Variants in PLPPR1 observed in about 807,000 individuals in gnomAD.
The protein encoded by PLPPR1 is phospholipid phosphatase related 1.
Under a neutral mutation model 33.1 loss-of-function variants are expected in PLPPR1, and 10 were observed. That is an observed-to-expected ratio of 0.30 (90% CI 0.19 to 0.51). PLPPR1 has a LOEUF of 0.51. PLPPR1 is among the 20% of genes least tolerant of loss of function. The pLI is 0.97. For synonymous variants in PLPPR1, 151 were observed against 151.0 expected, an observed-to-expected ratio of 1.00 and a Z score of 0.00; for missense variants, 304 against 408.1, an observed-to-expected ratio of 0.74 and a Z score of 2.20.
intron 1 of PLPPR1, among the ~76,000 whole-genome samples, chr9:101,085,313 A>G (rs1467223847): frequency 6.6e-6 from 1 of 152,202 alleles, no homozygotes; most frequent in Non-Finnish European, 1.5e-5. Context: ...ATACTCTAGA[A>G]TATCTTTCCA....
intron 1 of PLPPR1, among the ~76,000 whole-genome samples, chr9:101,157,878 C>T (rs1831717177): frequency 6.6e-6 from 1 of 152,050 alleles, no homozygotes; most frequent in African/African-American, 2.4e-5. Context: ...GTTGTATATG[C>T]CTGTAGTCCC....
intron 2 of PLPPR1, among the ~76,000 whole-genome samples, chr9:101,203,667 G>GTA (rs977871534): frequency 8.7e-6 from 1 of 115,122 alleles, no homozygotes; most frequent in Non-Finnish European, 2.0e-5. Context: ...TGTGTGATGT[G>GTA]TATATATATG....
chr9:101,178,793 T>C (rs1371792980), intron 1 of PLPPR1, among the ~76,000 whole-genome samples: 1 of 152,040 alleles, frequency 6.6e-6, no homozygotes, highest in African/African-American at 2.4e-5. Context: ...GTTTCTCCCA[T>C]AGCCAGGATT....
chr9:101,059,065 G>C (rs1381222989), intron 1 of PLPPR1, among the ~76,000 whole-genome samples: 1 of 152,054 alleles, frequency 6.6e-6, no homozygotes, highest in Non-Finnish European at 1.5e-5. Flanking sequence ...TAACTTTTTG[G>C]TCTGTTTTTT....
intron 1 of PLPPR1, among the ~76,000 whole-genome samples, chr9:101,153,599 G>C (rs573821383): frequency 6.6e-6 from 1 of 152,104 alleles, no homozygotes; most frequent in Non-Finnish European, 1.5e-5. Flanking sequence ...TATTGAGACA[G>C]AGTCTCGCTC....
chr9:101,290,660 G>T (rs1315659340), intron 4 of PLPPR1, among the ~76,000 whole-genome samples: 2 of 152,078 alleles, frequency 1.3e-5, no homozygotes, highest in African/African-American at 2.4e-5. Context: ...TATTTTTTAA[G>T]TTAGATATCT....
At chr9:101,033,552 A>G (rs557901483) in intron 1 of PLPPR1, among the ~76,000 whole-genome samples, 30 of 152,302 alleles carry the variant, frequency 2.0e-4, no homozygotes, top group Admixed American at 5.9e-4. Context: ...GGGATTAAGG[A>G]GAGAAATAAG....
intron 2 of PLPPR1, among the ~76,000 whole-genome samples, chr9:101,243,795 G>T (rs1425183294): frequency 6.6e-6 from 1 of 151,906 alleles, no homozygotes; most frequent in Non-Finnish European, 1.5e-5. Flanking sequence ...CACTGGAAAA[G>T]CTTAGTAGAA....
intron 4 of PLPPR1, among the ~76,000 whole-genome samples, chr9:101,288,534 G>A (rs1261435654): frequency 6.6e-6 from 1 of 151,960 alleles, no homozygotes; most frequent in East Asian, 1.9e-4. Flanking sequence ...AGCATTGAAA[G>A]GCAAAGGGGA....
Position 101,289,253 on chromosome 9 carries a change from C to T in PLPPR1, c.385+3017C>T, listed in dbSNP as rs1182004404. On this transcript the variant is annotated intron_variant, in intron 4 of 7. Coordinates refer to ENST00000374874, the MANE Select transcript of PLPPR1 (RefSeq NM_207299.2). ...GTTTAGACATTACCTGTTTACCAAT[C>T]CCATCAACTAGTTGCCTCGTCTTCT... Among the ~76,000 whole-genome samples, 7 of 152,338 alleles carry T rather than the reference C, an allele frequency of 4.6e-5. No homozygotes were observed. In the South Asian group the frequency reaches 8.3e-4, roughly 18 times the overall value.
At chr9:101,083,528 C>T (rs1830644782) in intron 1 of PLPPR1, among the ~76,000 whole-genome samples, 1 of 152,124 alleles carries the variant, frequency 6.6e-6, no homozygotes, top group African/African-American at 2.4e-5. Flanking sequence ...TGCAATGAAG[C>T]CTCCCGTAAG....
At chr9:101,298,320 G>A (rs1828685725) in intron 4 of PLPPR1, among the ~76,000 whole-genome samples, 1 of 152,124 alleles carries the variant, frequency 6.6e-6, no homozygotes, top group African/African-American at 2.4e-5. Context: ...TCCGGTCCGA[G>A]GATTAGGTAG....
At chr9:101,144,894 C>G (rs1831502187) in intron 1 of PLPPR1, among the ~76,000 whole-genome samples, 1 of 152,170 alleles carries the variant, frequency 6.6e-6, no homozygotes, top group Non-Finnish European at 1.5e-5. Context: ...CCACACTACT[C>G]ACAGCACTTT....
chr9:101,066,630 G>T (rs1830418393), intron 1 of PLPPR1, among the ~76,000 whole-genome samples: 1 of 151,934 alleles, frequency 6.6e-6, no homozygotes, highest in African/African-American at 2.4e-5. Flanking sequence ...TGCTCAAGTT[G>T]TTCCATCCTT....
intron 1 of PLPPR1, among the ~76,000 whole-genome samples, chr9:101,078,176 GAAGAAGAA>G (rs1830568768): frequency 1.2e-4 from 5 of 43,254 alleles, no homozygotes; most frequent in African/African-American, 2.9e-4. Context: ...AGAAGAAGAA[GAAGAAGAA>G]GAGGAGGGGG....
intron 1 of PLPPR1, among the ~76,000 whole-genome samples, chr9:101,081,630 G>T (rs999057223): frequency 4.6e-5 from 7 of 152,164 alleles, no homozygotes; most frequent in Admixed American, 2.0e-4. Flanking sequence ...TTCCCCATTA[G>T]AAATCAGAAA....
intron 2 of PLPPR1, among the ~76,000 whole-genome samples, 169 bp downstream of exon 2, chr9:101,185,726 A>T (rs1357660731): frequency 6.6e-6 from 1 of 151,902 alleles, no homozygotes; most frequent in East Asian, 1.9e-4. Context: ...TTAAATAGGA[A>T]GTCATAGAGT....
intron 1 of PLPPR1, among the ~76,000 whole-genome samples, chr9:101,039,571 G>A (rs749583286): frequency 6.6e-6 from 1 of 152,066 alleles, no homozygotes; most frequent in African/African-American, 2.4e-5. Flanking sequence ...TCACACTGCC[G>A]ATAAAGACAT....
intron 1 of PLPPR1, among the ~76,000 whole-genome samples, chr9:101,168,512 T>C (rs916024310): frequency 1.3e-5 from 2 of 152,164 alleles, no homozygotes; most frequent in Admixed American, 6.6e-5. Context: ...AAAATTCTAC[T>C]TCCTATGAAT....
Sources: gnomAD v4.1 joint callset for allele counts (sites outside exome capture counted in the v4.1 genomes callset) on GRCh38, gnomAD v4.1.1 for gene constraint, MANE v1.5 for transcripts, NCBI Gene and HGNC (gene_info 2026-07-23, HGNC 2026-07-21) for gene names.